Variants in SYT1 observed in about 807,000 individuals in gnomAD.
The protein encoded by SYT1 is synaptotagmin-1.
A neutral mutation model predicts 44.8 loss-of-function variants in SYT1; 8 were observed. That is an observed-to-expected ratio of 0.18 (90% confidence interval 0.10 to 0.32). The LOEUF is 0.32. Among genes scored for constraint, SYT1 ranks in the 10% least tolerant of loss-of-function variants. The pLI, the probability that SYT1 is intolerant of heterozygous loss-of-function variation, is 1.00. For missense variants in SYT1, 286 were observed against 509.3 expected, an observed-to-expected ratio of 0.56 and a Z score of 4.22; for synonymous variants, 154 against 188.8, an observed-to-expected ratio of 0.82 and a Z score of 1.51.
rs183687627 is a variant in SYT1, at chr12:79,146,767, A to G, written c.-17-70736A>G. Among the ~76,000 whole-genome samples the G allele has an allele frequency of 6.6e-3, 1,010 of 152,338 alleles. 6 individuals are homozygous for G. The highest frequency in any genetic ancestry group is 0.01 in the Non-Finnish European group (694 of 68,026). On this transcript the variant is annotated intron_variant, in intron 3 of 10. Transcript: ENST00000261205. ...CAAAGGATGTTTTCTGAACGTTTTT[A>G]GATCTGACCTGGGTTTTAAAAAAAT...
intron 8 of SYT1, among the ~76,000 whole-genome samples, chr12:79,313,634 AC>A (rs1201345781): frequency 6.6e-6 from 1 of 151,480 alleles, no homozygotes; most frequent in Admixed American, 6.6e-5. Context: ...TAAAAGATAG[AC>A]CTGCTAAGCT....
Position 78,944,095 on chromosome 12 carries a change from A to T in SYT1, c.-216-33704A>T, listed in dbSNP as rs930139588. ...GATAAATAATATTTAAAATTAGTTT[A>T]TTCTTATAAAGATTTCAGAATTTTA... On this transcript the variant is annotated intron_variant, in intron 1 of 10. Coordinates refer to ENST00000261205, the MANE Select transcript of SYT1 (RefSeq NM_005639.3). Among the ~76,000 whole-genome samples, 3 of 152,104 alleles carry T rather than the reference A, an allele frequency of 2.0e-5. No homozygotes were observed. The East Asian group carries it at 5.8e-4, about 29-fold the overall frequency.
intron 9 of SYT1, among the ~76,000 whole-genome samples, chr12:79,375,892 T>C (rs1883975298): frequency 1.3e-5 from 2 of 152,142 alleles, no homozygotes; most frequent in South Asian, 4.2e-4. Context: ...GCCAACCATC[T>C]CCCACCTTGT....
intron 3 of SYT1, among the ~76,000 whole-genome samples, chr12:79,154,824 A>G (rs1264902568): frequency 6.6e-6 from 1 of 152,168 alleles, no homozygotes; most frequent in Non-Finnish European, 1.5e-5. Flanking sequence ...TCAACATGAC[A>G]ACTAAGGTTT....
intron 3 of SYT1, among the ~76,000 whole-genome samples, chr12:79,123,605 T>C (rs1868321468): frequency 6.6e-6 from 1 of 152,138 alleles, no homozygotes; most frequent in African/African-American, 2.4e-5. Context: ...ATTTACTGCA[T>C]AAATCCAATA....
At chr12:78,934,260 G>A (rs547858403) in intron 1 of SYT1, among the ~76,000 whole-genome samples, 1 of 151,962 alleles carries the variant, frequency 6.6e-6, no homozygotes, top group Non-Finnish European at 1.5e-5. Flanking sequence ...CATGTGTCAA[G>A]GACAGGGCCA....
intron 8 of SYT1, among the ~76,000 whole-genome samples, chr12:79,304,312 T>A (rs1880288762): frequency 6.6e-6 from 1 of 152,244 alleles, no homozygotes; most frequent in Admixed American, 6.5e-5. Flanking sequence ...ATAGTCATTG[T>A]GTTCATATTT....
At chr12:79,253,524 TCA>T (rs1555211807) in intron 4 of SYT1, among the ~76,000 whole-genome samples, 26 of 135,770 alleles carry the variant, frequency 1.9e-4, no homozygotes, top group Non-Finnish European at 2.8e-4. Flanking sequence ...TCTCTCTCTC[TCA>T]CCTCAGAAAG....
At chr12:78,972,048 C>T (rs746239433) in intron 1 of SYT1, among the ~76,000 whole-genome samples, 4 of 152,064 alleles carry the variant, frequency 2.6e-5, no homozygotes, top group Non-Finnish European at 4.4e-5. Flanking sequence ...GTTTTACATT[C>T]TGTTTCTAAT....
At position 79,068,019 on chromosome 12, in the gene SYT1, A is replaced by G. The variant is rs564960125; in HGVS notation, c.-18+20657A>G. Among the ~76,000 whole-genome samples, 7 of 152,350 alleles carry G rather than the reference A, an allele frequency of 4.6e-5. No individual in the cohort carries two copies. The East Asian group carries it at 1.2e-3, about 25-fold the overall frequency. On this transcript the variant is annotated intron_variant, in intron 3 of 10. Coordinates refer to ENST00000261205, the MANE Select transcript of SYT1 (RefSeq NM_005639.3). Reference sequence around the variant, plus strand: ...ACAAGCCTTAAAGAAGGTGACAGCAATAGATATTATTTCCAGAGCTCCTAC... The same window carrying G: ...ACAAGCCTTAAAGAAGGTGACAGCAGTAGATATTATTTCCAGAGCTCCTAC...
intron 1 of SYT1, among the ~76,000 whole-genome samples, chr12:78,935,562 C>T (rs1878006037): frequency 6.6e-6 from 1 of 152,056 alleles, no homozygotes; most frequent in Admixed American, 6.6e-5. Flanking sequence ...ATTATAGGTT[C>T]AGCTTGGGTA....
chr12:79,360,687 T>C (rs142948293), intron 9 of SYT1, among the ~76,000 whole-genome samples: 210 of 152,376 alleles, frequency 1.4e-3, no homozygotes, highest in African/African-American at 4.8e-3. Flanking sequence ...TTGGCTGTGA[T>C]GTCAGAAGCT....
intron 1 of SYT1, among the ~76,000 whole-genome samples, chr12:78,908,302 G>C (rs1203526041): frequency 2.0e-5 from 3 of 151,338 alleles, no homozygotes; most frequent in African/African-American, 4.9e-5. Flanking sequence ...AAGCACAGAG[G>C]GTCTTTCTTA....
intron 2 of SYT1, among the ~76,000 whole-genome samples, chr12:78,992,628 C>T (rs553842965): frequency 6.6e-6 from 1 of 152,114 alleles, no homozygotes; most frequent in Non-Finnish European, 1.5e-5. Flanking sequence ...TGTCAGCCTA[C>T]AGAATTGGAC....
At chr12:79,035,141 T>A (rs1439825305) in intron 2 of SYT1, among the ~76,000 whole-genome samples, 1 of 151,674 alleles carries the variant, frequency 6.6e-6, no homozygotes, top group Admixed American at 6.6e-5. Context: ...AGCTCAGAAC[T>A]ATAAAAATCT....
At chr12:79,329,278 C>T (rs1881749494) in intron 8 of SYT1, among the ~76,000 whole-genome samples, 1 of 152,126 alleles carries the variant, frequency 6.6e-6, no homozygotes, top group South Asian at 2.1e-4. Flanking sequence ...CTTACAAGGC[C>T]TCACTCCATG....
At chr12:79,076,901 T>C (rs1407379365) in intron 3 of SYT1, among the ~76,000 whole-genome samples, 1 of 152,170 alleles carries the variant, frequency 6.6e-6, no homozygotes, top group Non-Finnish European at 1.5e-5. Context: ...CAGACTTCCA[T>C]GCCTAGATTT....
At chr12:79,175,376 T>A (rs1271729156) in intron 3 of SYT1, among the ~76,000 whole-genome samples, 1 of 152,124 alleles carries the variant, frequency 6.6e-6, no homozygotes, top group Admixed American at 6.6e-5. Context: ...GTATTTAGTC[T>A]CAGTTTGTCT....
At chr12:79,419,344 T>C (rs1868957827) in intron 9 of SYT1, 1 of 486,878 alleles carries the variant, frequency 2.1e-6, no homozygotes, top group Non-Finnish European at 4.3e-6. Flanking sequence ...TCTACCTTGC[T>C]TTTCTTCTCC....
Sources: gnomAD v4.1 joint callset for allele counts (sites outside exome capture counted in the v4.1 genomes callset) on GRCh38, gnomAD v4.1.1 for gene constraint, MANE v1.5 for transcripts, NCBI Gene and HGNC (gene_info 2026-07-23, HGNC 2026-07-21) for gene names.